GINS2: variants seen among roughly 807,000 people sequenced by gnomAD.
The protein encoded by GINS2 is DNA replication complex GINS protein PSF2.
GINS2 carries 23 observed loss-of-function variants against 21.2 expected under a neutral mutation model. The ratio of observed to expected loss-of-function variants is 1.08; its 90% confidence interval spans 0.78 to 1.53. GINS2 has a LOEUF of 1.53. Among genes scored for constraint, GINS2 ranks in the 40% most tolerant of loss-of-function variants. GINS2 has a pLI of 0.00. For synonymous variants in GINS2, 118 were observed against 85.6 expected (o/e 1.38, Z -2.09); for missense variants, 323 against 233.9 (o/e 1.38, Z -2.49).
At chr16:85,681,279 T>G (rs2053729925) in intron 3 of GINS2, among the ~76,000 whole-genome samples, 2 of 152,098 alleles carry the variant, frequency 1.3e-5, no homozygotes, top group South Asian at 4.1e-4. Flanking sequence ...TGGGGTCCAA[T>G]GTCGAGTGAT....
chr16:85,686,833 C>G (rs2053781448), intron 2 of GINS2, among the ~76,000 whole-genome samples: 1 of 152,222 alleles, frequency 6.6e-6, no homozygotes, highest in African/African-American at 2.4e-5. Context: ...TTCTCTATAA[C>G]TGCTTCTCAA....
At chr16:85,678,423 A>C in intron 4 of GINS2, 86 bp from the exon 5 acceptor site, 2 of 1,561,922 alleles carry the variant, frequency 1.3e-6, no homozygotes, top group Non-Finnish European at 1.8e-6. Flanking sequence ...ATAAGAAACC[A>C]ATGAACTGTT....
intron 2 of GINS2, among the ~76,000 whole-genome samples, chr16:85,683,006 T>A (rs4143865): frequency 0.23 from 35,127 of 151,250 alleles, 4,457 homozygotes; most frequent in Middle Eastern, 0.3. Flanking sequence ...CACCACCCCA[T>A]CCCCCAAACT....
chr16:85,678,649 G>C lies in GINS2; in HGVS notation c.323C>G (p.Pro108Arg), dbSNP rs779240044. Reference protein sequence around the residue: ...LLLNHASDNIPKADEIRTLVK... With the variant: ...LLLNHASDNIRKADEIRTLVK... The stretch of plus-strand genomic sequence containing the variant: ...CAGGGTCCGGATTTCGTCTGCCTTC[G>C]GGATGTTGTCTGAAGCACTAAAGGA... The change falls in exon 4 of 5, where the codon CCG (proline) becomes CGG (arginine). Residue 108 changes from proline to arginine, a missense_variant. Coordinates refer to ENST00000253462, the MANE Select transcript of GINS2 (RefSeq NM_016095.3). 6.2e-7 allele frequency: 1 copy of C among 1,613,596 alleles called. No homozygotes were observed. Among genetic ancestry groups the C allele is most frequent in the African/African-American group, 1.3e-5 (1 of 74,914 alleles).
chr16:85,687,724 C>T (rs1050404085), intron 1 of GINS2, 150 bp from the exon 2 acceptor site: 30 of 530,712 alleles, frequency 5.7e-5, no homozygotes, highest in Non-Finnish European at 8.6e-5. Context: ...AGACTCAGAA[C>T]AAAGCGCCTC....
chr16:85,678,642 T>G lies in GINS2; in HGVS notation c.330A>C (p.Ala110=), dbSNP rs150766271. ...CCTTGACCAGGGTCCGGATTTCGTCTGCCTTCGGGATGTTGTCTGAAGCAC... is the reference window on the plus strand; with the variant it reads ...CCTTGACCAGGGTCCGGATTTCGTCGGCCTTCGGGATGTTGTCTGAAGCAC... The part of the protein sequence containing the change: ...LNHASDNIPK[A]DEIRTLVKDM... The change falls in exon 4 of 5, where the codon GCA becomes GCC. Residue 110 remains alanine, a synonymous_variant. Transcript: ENST00000253462. 1,282 of 1,613,856 alleles carry G rather than the reference T, an allele frequency of 7.9e-4. 7 individuals are homozygous for G. In the African/African-American group the frequency reaches 0.013, roughly 16 times the overall value.
rs188812369 is a variant in GINS2, at chr16:85,681,191, G to A, written c.305+391C>T. Reference sequence around the variant, plus strand: ...CCACCTACTCCAAGGAGAAACAGGAGTAAAGCTGTGCTAAATAAAACACAT... The same window carrying A: ...CCACCTACTCCAAGGAGAAACAGGAATAAAGCTGTGCTAAATAAAACACAT... On this transcript the variant is annotated intron_variant, in intron 3 of 4. Coordinates refer to ENST00000253462, the MANE Select transcript of GINS2 (RefSeq NM_016095.3). 3.1e-3 allele frequency among the ~76,000 whole-genome samples: 469 copies of A among 152,372 alleles called. 1 individual carries two copies. The highest frequency in any genetic ancestry group is 0.011 in the African/African-American group (446 of 41,588).
Position 85,687,172 on chromosome 16 carries a change from G to C in GINS2, c.205+288C>G, listed in dbSNP as rs377713330. 4.9e-4 allele frequency among the ~76,000 whole-genome samples: 75 copies of C among 152,372 alleles called. 1 individual carries two copies. Among genetic ancestry groups the C allele is most frequent in the African/African-American group, 1.7e-3 (70 of 41,592 alleles). The stretch of plus-strand genomic sequence containing the variant: ...GGAGGTGAAGGCTGCATTGAGCCGA[G>C]ATTGCACCACTGCTCTCCAGCCTGG... On this transcript the variant is annotated intron_variant, in intron 2 of 4. Transcript: ENST00000253462.
At chr16:85,687,612 A>C (rs753946773) in intron 1 of GINS2, 38 bp from the exon 2 acceptor site, 2 of 1,277,540 alleles carry the variant, frequency 1.6e-6, no homozygotes, top group South Asian at 2.9e-5. Flanking sequence ...AGATTGAAAA[A>C]GAACAAAAAA....
In GINS2 at chr16:85,678,637, T is replaced by A; in HGVS notation, c.335A>T (p.Glu112Val). 6.2e-7 allele frequency: 1 copy of A among 1,613,862 alleles called. No homozygotes were observed. The highest frequency in any genetic ancestry group is 1.1e-5 in the South Asian group (1 of 91,072). Residue 112 changes from glutamate (E) to valine (V), a missense_variant, in exon 4 of 5, where the codon GAA (glutamate) becomes GTA (valine). Glu to Val is a moderately radical substitution (Grantham distance 121). Transcript: ENST00000253462. ...CATATCCTTGACCAGGGTCCGGATT[T>A]CGTCTGCCTTCGGGATGTTGTCTGA... Reference protein sequence around the residue: ...HASDNIPKADEIRTLVKDMWD... With the variant: ...HASDNIPKADVIRTLVKDMWD...
intron 2 of GINS2, among the ~76,000 whole-genome samples, chr16:85,684,921 T>C (rs903087457): frequency 6.6e-6 from 1 of 151,964 alleles, no homozygotes; most frequent in African/African-American, 2.4e-5. Context: ...CCCAAGTAGC[T>C]GGGATTACAG....
At chr16:85,682,583 C>T (rs1359407957) in intron 2 of GINS2, among the ~76,000 whole-genome samples, 2 of 151,398 alleles carry the variant, frequency 1.3e-5, no homozygotes, top group East Asian at 3.9e-4. Context: ...AGGGGTTAAG[C>T]CACCCCAGCC....
intron 1 of GINS2, 91 bp downstream of exon 1, chr16:85,688,718 G>T: frequency 1.6e-6 from 1 of 628,742 alleles, no homozygotes; most frequent in Non-Finnish European, 2.6e-6. Context: ...CGGGAGCAGG[G>T]CGAGCCCGCG....
In GINS2 at chr16:85,677,244, T is replaced by C. The variant is rs528032715; in HGVS notation, c.*968A>G. Reference sequence around the variant, plus strand: ...CCATTGCATGATGCTGGACGATCATTTCACCTCTCAAGGTAATGTAATTTC... The same window carrying C: ...CCATTGCATGATGCTGGACGATCATCTCACCTCTCAAGGTAATGTAATTTC... On this transcript the variant is annotated 3_prime_UTR_variant, in exon 5 of 5. Coordinates refer to ENST00000253462, the MANE Select transcript of GINS2 (RefSeq NM_016095.3). The C allele has an allele frequency of 1.3e-5, 2 of 152,102 alleles. No homozygotes were observed. Among genetic ancestry groups the C allele is most frequent in the African/African-American group, 4.8e-5 (2 of 41,522 alleles). The allele number at this position is 152,102 out of a possible 1,614,324, so 9.4% of individuals were successfully genotyped here.
intron 2 of GINS2, among the ~76,000 whole-genome samples, chr16:85,684,686 C>A (rs553467718): frequency 6.0e-5 from 9 of 151,092 alleles, no homozygotes; most frequent in Non-Finnish European, 1.0e-4. Context: ...GTGTTGAGAA[C>A]GTAAACAGGT....
chr16:85,685,685 A>AAAAAAAAAAAAACAAAAAAAAAC (rs56405044), intron 2 of GINS2, among the ~76,000 whole-genome samples: 20 of 120,896 alleles, frequency 1.7e-4, no homozygotes, highest in South Asian at 5.3e-4. Context: ...AAAAAAAAAA[A>AAAAAAAAAAAAACAAAAAAAAAC]AAAAAACCGT....
rs991427430 is a variant in GINS2 at position 85,676,297 on chromosome 16, C to T, written c.*1915G>A. The T allele has an allele frequency of 1.3e-5, 2 of 152,254 alleles. No individual in the cohort carries two copies. Among genetic ancestry groups the T allele is most frequent in the African/African-American group, 2.4e-5 (1 of 41,448 alleles). 9.4% of individuals were successfully genotyped at this position (152,254 alleles called of 1,614,324 possible). A position where few individuals can be genotyped will look rare whatever the true frequency, so the allele number is the denominator to read the frequency against. ...CCGCAGACGGAGCTGCCTCCACTGG[C>T]TCAGGCTCTAAGAGGAGGGCATTAG... On this transcript the variant is annotated 3_prime_UTR_variant, in exon 5 of 5. Coordinates refer to ENST00000253462, the MANE Select transcript of GINS2 (RefSeq NM_016095.3).
chr16:85,682,503 C>G (rs1178573929), intron 2 of GINS2, among the ~76,000 whole-genome samples: 1 of 151,488 alleles, frequency 6.6e-6, no homozygotes, highest in Non-Finnish European at 1.5e-5. Context: ...GCTAAGCCAC[C>G]CCAGCCTGGG....
Position 85,676,272 on chromosome 16 carries a change from C to T in GINS2, c.*1940G>A, listed in dbSNP as rs1347674158. The stretch of plus-strand genomic sequence containing the variant: ...AGAAAAGCTCAATAACTATACATCT[C>T]CGCAGACGGAGCTGCCTCCACTGGC... On this transcript the variant is annotated 3_prime_UTR_variant, in exon 5 of 5. Transcript: ENST00000253462. 6.6e-6 allele frequency: 1 copy of T among 152,354 alleles called. No individual in the cohort carries two copies. Among genetic ancestry groups the T allele is most frequent in the Non-Finnish European group, 1.5e-5 (1 of 68,044 alleles). The allele number at this position is 152,354 out of a possible 1,614,324, so 9.4% of individuals were successfully genotyped here. A position where few individuals can be genotyped will look rare whatever the true frequency, so the allele number is the denominator to read the frequency against.
Sources: gnomAD v4.1 joint callset for allele counts (sites outside exome capture counted in the v4.1 genomes callset) on GRCh38, gnomAD v4.1.1 for gene constraint, MANE v1.5 for transcripts, NCBI Gene and HGNC (gene_info 2026-07-23, HGNC 2026-07-21) for gene names.